The following TPMT variants were observed in gnomAD, a reference collection of about 807,000 sequenced individuals.
TPMT encodes the protein thiopurine S-methyltransferase.
TPMT carries 18 observed loss-of-function variants against 34.2 expected under a neutral mutation model. That is an observed-to-expected ratio of 0.53 (90% confidence interval 0.36 to 0.78). TPMT has a LOEUF of 0.78. TPMT is among the 30% of genes least tolerant of loss of function. TPMT has a pLI of 0.00. For missense variants in TPMT, 265 were observed against 288.1 expected (o/e 0.92, Z 0.58); for synonymous variants, 69 against 92.4 (o/e 0.75, Z 1.45).
chr6:18,131,620 A>G lies in TPMT; in HGVS notation c.625+513T>C, dbSNP rs1166810835. Among the ~76,000 whole-genome samples, 5 of 152,296 alleles carry G rather than the reference A, an allele frequency of 3.3e-5. No homozygotes were observed. Among genetic ancestry groups the G allele is most frequent in the Middle Eastern group, 6.8e-3 (2 of 294 alleles). The stretch of plus-strand genomic sequence containing the variant: ...AAAAAAAAATATACCATCTCTCTAG[A>G]AAAGTTCAAATACCTTTAACATAGA... On this transcript the variant is annotated intron_variant, in intron 8 of 8. Coordinates refer to ENST00000309983, the MANE Select transcript of TPMT (RefSeq NM_000367.5). The surrounding 1 kb of genome is among the most constrained non-coding windows in gnomAD (Gnocchi z 4.3).
Position 18,131,222 on chromosome 6 carries a change from A to C in TPMT, c.626-442T>G, listed in dbSNP as rs995005319. 6.6e-6 allele frequency among the ~76,000 whole-genome samples: 1 copy of C among 152,330 alleles called. No homozygotes were observed. The highest frequency in any genetic ancestry group is 1.9e-4 in the East Asian group (1 of 5,188). The stretch of plus-strand genomic sequence containing the variant: ...CTCTTCTTTTTAATCAAAACAGAGG[A>C]ATGCTAAGGGCAAATTTCCTGAACT... On this transcript the variant is annotated intron_variant, in intron 8 of 8. Coordinates refer to ENST00000309983, the MANE Select transcript of TPMT (RefSeq NM_000367.5). This position sits in a 1 kb window ranked among gnomAD's most constrained non-coding sequence, Gnocchi z 4.3.
Position 18,148,905 on chromosome 6 carries a change from AAAT to A in TPMT, c.140+80_140+82del. 1 of 1,596,980 alleles carries A rather than the reference AAAT, an allele frequency of 6.3e-7. No homozygotes were observed. Among genetic ancestry groups the A allele is most frequent in the Non-Finnish European group, 8.6e-7 (1 of 1,167,626 alleles). ...TAAATGTGCATCCTAAAAGTTAGTCAAATAATGTGTACTTTTATTATTTCTATC... is the reference window on the plus strand; with the variant it reads ...TAAATGTGCATCCTAAAAGTTAGTCAAATGTGTACTTTTATTATTTCTATC... On this transcript the variant is annotated intron_variant, in intron 2 of 8. Coordinates refer to ENST00000309983, the MANE Select transcript of TPMT (RefSeq NM_000367.5). The surrounding 1 kb of genome is among the most constrained non-coding windows in gnomAD (Gnocchi z 4.1).
At position 18,138,335 on chromosome 6, in the gene TPMT, G is replaced by A. The variant is rs1235100956; in HGVS notation, c.494+628C>T. Among the ~76,000 whole-genome samples, 1 of 150,510 alleles carries A rather than the reference G, an allele frequency of 6.6e-6. No individual in the cohort carries two copies. Among genetic ancestry groups the A allele is most frequent in the Non-Finnish European group, 1.5e-5 (1 of 67,854 alleles). The stretch of plus-strand genomic sequence containing the variant: ...CATTCAGGTTGAAGTGCAGTGGTAC[G>A]ATCATAGCTCACTGCAGCTTTGAAC... On this transcript the variant is annotated intron_variant, in intron 6 of 8. Coordinates refer to ENST00000309983, the MANE Select transcript of TPMT (RefSeq NM_000367.5). This position sits in a 1 kb window ranked among gnomAD's most constrained non-coding sequence, Gnocchi z 4.1.
rs1230365382 is a variant in TPMT at position 18,135,400 on chromosome 6, C to T, written c.495-1511G>A. On this transcript the variant is annotated intron_variant, in intron 6 of 8. Coordinates refer to ENST00000309983, the MANE Select transcript of TPMT (RefSeq NM_000367.5). The surrounding 1 kb of genome is among the most constrained non-coding windows in gnomAD (Gnocchi z 5.0). ...AAATGAGGTCTGCCCTACTGGTTTA[C>T]ATTAGGCAAGAACTCGAGAGTCACA... Among the ~76,000 whole-genome samples the T allele has an allele frequency of 2.6e-5, 4 of 152,176 alleles. No individual in the cohort carries two copies. The highest frequency in any genetic ancestry group is 5.9e-5 in the Non-Finnish European group (4 of 68,028).
intron 6 of TPMT, among the ~76,000 whole-genome samples, chr6:18,134,204 G>C (rs1336864686): frequency 6.6e-6 from 1 of 152,172 alleles, no homozygotes; most frequent in Non-Finnish European, 1.5e-5. Context: ...TCGAGGGCCT[G>C]CTGACCTTGG....
In TPMT at chr6:18,132,117, A is replaced by G. The variant is rs201148016; in HGVS notation, c.625+16T>C. 2.6e-5 allele frequency: 42 copies of G among 1,613,884 alleles called. No individual in the cohort carries two copies. Among genetic ancestry groups the G allele is most frequent in the Non-Finnish European group, 3.6e-5 (42 of 1,179,794 alleles). ...GACTTTGTTTAAAAAGTTACAGCAT[A>G]AGTCCACAAACTTACCAAACAACCT... On this transcript the variant is annotated intron_variant, in intron 8 of 8. Coordinates refer to ENST00000309983, the MANE Select transcript of TPMT (RefSeq NM_000367.5). The surrounding 1 kb of genome is among the most constrained non-coding windows in gnomAD (Gnocchi z 4.8).
rs995238467 is a variant in TPMT at position 18,148,651 on chromosome 6, T to G, written c.140+337A>C. ...AGTCAGACACCACTGATTTTCAGTA[T>G]GAAGAATTGTAAGCATAAACATTGC... On this transcript the variant is annotated intron_variant, in intron 2 of 8. Coordinates refer to ENST00000309983, the MANE Select transcript of TPMT (RefSeq NM_000367.5). This position sits in a 1 kb window ranked among gnomAD's most constrained non-coding sequence, Gnocchi z 4.1. Among the ~76,000 whole-genome samples, 6 of 152,244 alleles carry G rather than the reference T, an allele frequency of 3.9e-5. No homozygotes were observed. Among genetic ancestry groups the G allele is most frequent in the African/African-American group, 2.4e-5 (1 of 41,462 alleles).
At position 18,131,192 on chromosome 6, in the gene TPMT, T is replaced by G. The variant is rs1396546445; in HGVS notation, c.626-412A>C. ...TTTTAAAAACAGTGTACACTAAACA[T>G]TTTTCTCTTCTTTTTAATCAAAACA... On this transcript the variant is annotated intron_variant, in intron 8 of 8. Transcript: ENST00000309983. The surrounding 1 kb of genome is among the most constrained non-coding windows in gnomAD (Gnocchi z 4.3). Among the ~76,000 whole-genome samples, 1 of 152,170 alleles carries G rather than the reference T, an allele frequency of 6.6e-6. No homozygotes were observed. Among genetic ancestry groups the G allele is most frequent in the Non-Finnish European group, 1.5e-5 (1 of 68,020 alleles).
intron 6 of TPMT, among the ~76,000 whole-genome samples, chr6:18,134,417 A>C (rs1242685586): frequency 6.6e-6 from 1 of 151,950 alleles, no homozygotes; most frequent in African/African-American, 2.4e-5. Flanking sequence ...AGAAAACACA[A>C]TTTTTTTCCT....
intron 3 of TPMT, among the ~76,000 whole-genome samples, chr6:18,144,259 A>T (rs1385665262): frequency 6.6e-6 from 1 of 152,236 alleles, no homozygotes; most frequent in East Asian, 1.9e-4. Flanking sequence ...CAGGTCTAGA[A>T]CATTAGCACT....
Position 18,136,578 on chromosome 6 carries a change from C to T in TPMT, c.494+2385G>A, listed in dbSNP as rs768920814. Among the ~76,000 whole-genome samples the T allele has an allele frequency of 2.0e-5, 3 of 152,104 alleles. No homozygotes were observed. Among genetic ancestry groups the T allele is most frequent in the South Asian group, 2.1e-4 (1 of 4,828 alleles). The stretch of plus-strand genomic sequence containing the variant: ...TAATCCCAGCACCGGGTGGCCGAGG[C>T]GGGTGGATCAGCTGGGGTCCGGAGT... On this transcript the variant is annotated intron_variant, in intron 6 of 8. Transcript: ENST00000309983. The surrounding 1 kb of genome is among the most constrained non-coding windows in gnomAD (Gnocchi z 4.7).
At position 18,150,885 on chromosome 6, in the gene TPMT, T is replaced by G. The variant is rs777162281; in HGVS notation, c.-44-1714A>C. ...TGCACTACCAGGTCCAGCTAATTTT[T>G]GTGTTTTTAATAGAGATGAGATTTG... On this transcript the variant is annotated intron_variant, in intron 1 of 8. Transcript: ENST00000309983. This position sits in a 1 kb window ranked among gnomAD's most constrained non-coding sequence, Gnocchi z 5.3. 6.6e-6 allele frequency among the ~76,000 whole-genome samples: 1 copy of G among 152,136 alleles called. No individual in the cohort carries two copies. The highest frequency in any genetic ancestry group is 1.5e-5 in the Non-Finnish European group (1 of 68,036).
Position 18,133,834 on chromosome 6 carries a change from C to T in TPMT, c.550G>A (p.Val184Ile). ...LGKKFQYLLCVLSYDPTKHPG... is the reference protein window; with the variant it reads ...LGKKFQYLLCILSYDPTKHPG... The stretch of plus-strand genomic sequence containing the variant: ...TGTTTAGTTGGATCATAAGAAAGAA[C>T]ACACAGGAGATACTGAAACTTCTTT... Residue 184 changes from valine (V) to isoleucine (I), a missense_variant, in exon 7 of 9, where the codon GTT (valine) becomes ATT (isoleucine). Coordinates refer to ENST00000309983, the MANE Select transcript of TPMT (RefSeq NM_000367.5). 6.2e-7 allele frequency: 1 copy of T among 1,609,238 alleles called. No homozygotes were observed. Among genetic ancestry groups the T allele is most frequent in the South Asian group, 1.1e-5 (1 of 90,708 alleles).
At position 18,142,204 on chromosome 6, in the gene TPMT, C is replaced by CT. The variant is rs529615967; in HGVS notation, c.366+1391dup. 6.0e-3 allele frequency among the ~76,000 whole-genome samples: 888 copies of CT among 148,574 alleles called. 9 individuals carry two copies. The highest frequency in any genetic ancestry group is 0.018 in the African/African-American group (747 of 40,494). On this transcript the variant is annotated intron_variant, in intron 4 of 8. Transcript: ENST00000309983. ...GAGAGCTGTTTTATTTTCTCTTTCTCTTTTTTTTTTGCCTATTAAACCTCC... is the reference window on the plus strand; with the variant it reads ...GAGAGCTGTTTTATTTTCTCTTTCTCTTTTTTTTTTTGCCTATTAAACCTCC...
rs976412377 is a variant in TPMT, at chr6:18,136,894, T to A, written c.494+2069A>T. 2.0e-5 allele frequency among the ~76,000 whole-genome samples: 3 copies of A among 152,148 alleles called. No individual in the cohort carries two copies. Among genetic ancestry groups the A allele is most frequent in the Admixed American group, 2.0e-4 (3 of 15,270 alleles). ...TATTGGCAATTTTTGGGTGAGAGCATAAGGCTGAGGATGGTGGTCCCTTGG... is the reference window on the plus strand; with the variant it reads ...TATTGGCAATTTTTGGGTGAGAGCAAAAGGCTGAGGATGGTGGTCCCTTGG... On this transcript the variant is annotated intron_variant, in intron 6 of 8. Coordinates refer to ENST00000309983, the MANE Select transcript of TPMT (RefSeq NM_000367.5). The surrounding 1 kb of genome is among the most constrained non-coding windows in gnomAD (Gnocchi z 4.7).
Position 18,136,792 on chromosome 6 carries a change from A to T in TPMT, c.494+2171T>A, listed in dbSNP as rs1377873391. ...GCCATTGCACTCCAGCCTGGGCAAC[A>T]AGAGCGAAACTCTGTCTCGAAAAAA... is the stretch of plus-strand genomic sequence containing the variant. On this transcript the variant is annotated intron_variant, in intron 6 of 8. Coordinates refer to ENST00000309983, the MANE Select transcript of TPMT (RefSeq NM_000367.5). This position sits in a 1 kb window ranked among gnomAD's most constrained non-coding sequence, Gnocchi z 4.7. 1.3e-5 allele frequency among the ~76,000 whole-genome samples: 2 copies of T among 152,002 alleles called. No homozygotes were observed. Among genetic ancestry groups the T allele is most frequent in the East Asian group, 1.9e-4 (1 of 5,160 alleles).
chr6:18,139,505 C>T lies in TPMT; in HGVS notation c.419+160G>A, dbSNP rs755377816. Among the ~76,000 whole-genome samples the T allele has an allele frequency of 1.7e-4, 26 of 152,144 alleles. No homozygotes were observed. The highest frequency in any genetic ancestry group is 6.2e-4 in the South Asian group (3 of 4,826). On this transcript the variant is annotated intron_variant, in intron 5 of 8. Transcript: ENST00000309983. The surrounding 1 kb of genome is among the most constrained non-coding windows in gnomAD (Gnocchi z 4.2). ...GACAAAACACATTAAAGTGTGCAGA[C>T]GAGTGTGTAATAAAAATATCTGCAG... is the stretch of plus-strand genomic sequence containing the variant.
In TPMT at chr6:18,148,836, C is replaced by T; in HGVS notation, c.140+152G>A. The T allele has an allele frequency of 1.9e-6, 2 of 1,059,788 alleles. No individual in the cohort carries two copies. The highest frequency in any genetic ancestry group is 2.8e-6 in the Non-Finnish European group (2 of 709,000). 65.6% of individuals were successfully genotyped at this position (1,059,788 alleles called of 1,614,324 possible). On this transcript the variant is annotated intron_variant, in intron 2 of 8. Coordinates refer to ENST00000309983, the MANE Select transcript of TPMT (RefSeq NM_000367.5). The surrounding 1 kb of genome is among the most constrained non-coding windows in gnomAD (Gnocchi z 4.1). ...ACTCTGCCAATTAAACTACATCATG[C>T]CACAGATGCACTGTGACTCGGGAGA...
intron 1 of TPMT, among the ~76,000 whole-genome samples, chr6:18,152,523 T>C (rs900648245): frequency 2.0e-5 from 3 of 151,948 alleles, no homozygotes; most frequent in African/African-American, 7.2e-5. Flanking sequence ...ATGTACAATG[T>C]AAACTAACAA....
Sources: allele counts gnomAD v4.1 joint callset (sites outside exome capture counted in the v4.1 genomes callset), GRCh38; gene constraint gnomAD v4.1.1; non-coding constraint Gnocchi (gnomAD v3.1); transcripts MANE v1.5; gene names NCBI Gene and HGNC (gene_info 2026-07-23, HGNC 2026-07-21).